SERPINI1: variants seen among roughly 807,000 people sequenced by gnomAD.
The protein encoded by SERPINI1 is serpin family I member 1.
A neutral mutation model predicts 41.1 loss-of-function variants in SERPINI1; 19 were observed. That is an observed-to-expected ratio of 0.46 (90% CI 0.32 to 0.68). The LOEUF (loss-of-function observed/expected upper bound fraction) is 0.68, where lower values mean the gene tolerates loss of function less well. Ranked by LOEUF, SERPINI1 falls within the 30% of genes least tolerant of loss-of-function variation. The pLI is 0.03. For missense variants in SERPINI1, 460 were observed against 479.2 expected, an observed-to-expected ratio of 0.96 and a Z score of 0.37; for synonymous variants, 138 against 156.6, an observed-to-expected ratio of 0.88 and a Z score of 0.89.
intron 6 of SERPINI1, among the ~76,000 whole-genome samples, chr3:167,811,513 T>C (rs957716978): frequency 5.9e-5 from 9 of 151,576 alleles, no homozygotes; most frequent in Admixed American, 5.9e-4. Context: ...TATATGTATG[T>C]ATATAGGCTT....
chr3:167,786,506 T>TGAAAA (rs1727317190), intron 1 of SERPINI1, among the ~76,000 whole-genome samples: 1 of 42,774 alleles, frequency 2.3e-5, no homozygotes, highest in African/African-American at 1.5e-4. Context: ...AGACTCCGTC[T>TGAAAA]CAAAAAAAAA....
chr3:167,802,518 A>G (rs1242086822), intron 5 of SERPINI1, among the ~76,000 whole-genome samples: 2 of 141,114 alleles, frequency 1.4e-5, no homozygotes, highest in African/African-American at 5.3e-5. Context: ...CAAAAAACAC[A>G]TGAAAAAATG....
chr3:167,738,708 G>T (rs928926044), intron 1 of SERPINI1, among the ~76,000 whole-genome samples: 4 of 151,146 alleles, frequency 2.6e-5, no homozygotes, highest in Non-Finnish European at 4.4e-5. Flanking sequence ...AGTTAAAATG[G>T]CAATTTTTAC....
At chr3:167,823,943 T>C (rs1381887679) in intron 7 of SERPINI1, among the ~76,000 whole-genome samples, 1 of 152,220 alleles carries the variant, frequency 6.6e-6, no homozygotes, top group Non-Finnish European at 1.5e-5. Flanking sequence ...GGATACCTCG[T>C]TGTATCTCTC....
intron 6 of SERPINI1, among the ~76,000 whole-genome samples, chr3:167,812,615 A>T (rs1711931462): frequency 6.6e-6 from 1 of 152,242 alleles, no homozygotes; most frequent in South Asian, 2.1e-4. Context: ...GCCAGAATTT[A>T]AACCCTCCAA....
At chr3:167,779,888 G>A (rs1030908509) in intron 1 of SERPINI1, among the ~76,000 whole-genome samples, 27 of 152,064 alleles carry the variant, frequency 1.8e-4, no homozygotes, top group African/African-American at 6.5e-4. Flanking sequence ...TAACTAGAGG[G>A]AGAGGCAAAA....
At chr3:167,821,200 C>A (rs1362850401) in intron 6 of SERPINI1, among the ~76,000 whole-genome samples, 1 of 152,162 alleles carries the variant, frequency 6.6e-6, no homozygotes, top group Non-Finnish European at 1.5e-5. Flanking sequence ...AATGGCAGGA[C>A]TGAAAGAGCT....
At chr3:167,757,911 T>C (rs1479241587) in intron 1 of SERPINI1, among the ~76,000 whole-genome samples, 6 of 152,140 alleles carry the variant, frequency 3.9e-5, no homozygotes, top group Non-Finnish European at 2.9e-5. Flanking sequence ...AAAGTGAGAC[T>C]CCATCTCAAA....
intron 1 of SERPINI1, among the ~76,000 whole-genome samples, chr3:167,787,821 G>A (rs891776908): frequency 1.2e-4 from 18 of 152,276 alleles, no homozygotes; most frequent in Non-Finnish European, 2.2e-4. Context: ...AAAATGTGAA[G>A]GACTTACAAA....
intron 1 of SERPINI1, among the ~76,000 whole-genome samples, chr3:167,783,729 A>G (rs749998728): frequency 6.6e-6 from 1 of 152,222 alleles, no homozygotes; most frequent in African/African-American, 2.4e-5. Context: ...CAGAGGTAGC[A>G]GAGGCAAAGG....
At chr3:167,824,592 TTAATAG>T in intron 8 of SERPINI1, 30 bp downstream of exon 8, 1 of 1,414,046 alleles carries the variant, frequency 7.1e-7, no homozygotes, top group South Asian at 1.2e-5. Flanking sequence ...AAAATTTTAT[TTAATAG>T]GTCACAAAGA....
intron 4 of SERPINI1, among the ~76,000 whole-genome samples, chr3:167,793,596 A>ATTTTTTTT (rs141371005): frequency 1.1e-3 from 155 of 140,602 alleles, no homozygotes; most frequent in Non-Finnish European, 1.7e-3. Context: ...ATATATATAT[A>ATTTTTTTT]TTTTTAATTA....
intron 6 of SERPINI1, among the ~76,000 whole-genome samples, chr3:167,818,217 G>A (rs549287247): frequency 2.6e-5 from 4 of 151,804 alleles, no homozygotes; most frequent in African/African-American, 7.2e-5. Context: ...TAGTAGAGAC[G>A]GGGTTTCACC....
intron 1 of SERPINI1, among the ~76,000 whole-genome samples, chr3:167,742,591 G>A (rs1223347833): frequency 6.6e-6 from 1 of 152,030 alleles, no homozygotes; most frequent in South Asian, 2.1e-4. Context: ...AAAGATCCCC[G>A]GCAGATGTCC....
At chr3:167,741,645 A>G (rs1256801868) in intron 1 of SERPINI1, among the ~76,000 whole-genome samples, 1 of 152,242 alleles carries the variant, frequency 6.6e-6, no homozygotes, top group African/African-American at 2.4e-5. Context: ...CTTGAATTAA[A>G]TCAGTTATTG....
At chr3:167,774,082 T>G (rs762151012) in intron 1 of SERPINI1, among the ~76,000 whole-genome samples, 7 of 152,176 alleles carry the variant, frequency 4.6e-5, no homozygotes, top group African/African-American at 1.2e-4. Context: ...AATAAAGATT[T>G]TTTTCCAGAT....
intron 6 of SERPINI1, among the ~76,000 whole-genome samples, chr3:167,810,634 A>G (rs1353380236): frequency 6.6e-6 from 1 of 152,184 alleles, no homozygotes; most frequent in Non-Finnish European, 1.5e-5. Flanking sequence ...TTGCCTTGAT[A>G]TTGATGGTTT....
rs529419095 is a variant in SERPINI1 at position 167,747,516 on chromosome 3, C to T, written c.-19+11693C>T. On this transcript the variant is annotated intron_variant, in intron 1 of 8. Coordinates refer to ENST00000446050, the MANE Select transcript of SERPINI1 (RefSeq NM_001122752.2). ...AAAATTAGCTGGGCGTGGCAGCGGG[C>T]GCCTGTGGTTCCAGCTACTCGAGAG... Among the ~76,000 whole-genome samples, 44 of 152,034 alleles carry T rather than the reference C, an allele frequency of 2.9e-4. 1 individual carries two copies. Among genetic ancestry groups the T allele is most frequent in the Admixed American group, 3.9e-4 (6 of 15,240 alleles).
chr3:167,755,068 T>C (rs915289520), intron 1 of SERPINI1, among the ~76,000 whole-genome samples: 1 of 152,236 alleles, frequency 6.6e-6, no homozygotes, highest in Non-Finnish European at 1.5e-5. Context: ...ATCCCATTCC[T>C]TCTTGACTTT....
Sources: gnomAD v4.1 joint callset for allele counts (sites outside exome capture counted in the v4.1 genomes callset) on GRCh38, gnomAD v4.1.1 for gene constraint, MANE v1.5 for transcripts, NCBI Gene and HGNC (gene_info 2026-07-23, HGNC 2026-07-21) for gene names.